The following TNPO1 variants were observed in gnomAD, a reference collection of about 807,000 sequenced individuals.
TNPO1 encodes transportin-1.
TNPO1 carries 8 observed loss-of-function variants against 119.5 expected under a neutral mutation model. That is an observed-to-expected ratio of 0.07 (90% CI 0.04 to 0.12). TNPO1 has a LOEUF of 0.12. Ranked by LOEUF, TNPO1 falls within the 10% of genes least tolerant of loss-of-function variation. TNPO1 has a pLI of 1.00. For synonymous variants in TNPO1, 362 were observed against 363.0 expected (o/e 1.00, Z 0.03); for missense variants, 576 against 1,089.8 (o/e 0.53, Z 6.64).
chr5:72,852,919 G>C (rs1425818593), intron 3 of TNPO1, among the ~76,000 whole-genome samples: 1 of 152,114 alleles, frequency 6.6e-6, no homozygotes, highest in Non-Finnish European at 1.5e-5. Flanking sequence ...AAATTTTTCT[G>C]ACAGTTTGTG....
At chr5:72,907,783 T>G (rs139101220) in intron 24 of TNPO1, among the ~76,000 whole-genome samples, 1 of 152,124 alleles carries the variant, frequency 6.6e-6, no homozygotes, top group East Asian at 1.9e-4. Flanking sequence ...ATGGCCCACA[T>G]CTATAATCCT....
rs1750711858 is a variant in TNPO1 at position 72,913,785 on chromosome 5, T to C, written c.*5112T>C. 1 of 152,584 alleles carries C rather than the reference T, an allele frequency of 6.6e-6. No individual in the cohort carries two copies. Among genetic ancestry groups the C allele is most frequent in the Non-Finnish European group, 1.5e-5 (1 of 67,972 alleles). The allele number at this position is 152,584 out of a possible 1,614,324, so 9.5% of individuals were successfully genotyped here. A position where few individuals can be genotyped will look rare whatever the true frequency, so the allele number is the denominator to read the frequency against. On this transcript the variant is annotated 3_prime_UTR_variant, in exon 25 of 25. Transcript: ENST00000337273. ...CTGTACTTTCCGCATATTACTGTGT[T>C]GTTGTTTTCCTTTGTGGATATATAA...
intron 5 of TNPO1, among the ~76,000 whole-genome samples, chr5:72,862,576 C>A (rs1369369641): frequency 1.3e-5 from 2 of 152,022 alleles, no homozygotes; most frequent in African/African-American, 4.8e-5. Flanking sequence ...ATCTTCCAGC[C>A]TCAGCCTCCC....
intron 3 of TNPO1, among the ~76,000 whole-genome samples, chr5:72,853,638 T>C (rs1745759257): frequency 6.9e-6 from 1 of 145,296 alleles, no homozygotes; most frequent in Admixed American, 7.3e-5. Flanking sequence ...TAACACTTGA[T>C]ATTTCTTCTT....
At chr5:72,840,183 G>A (rs868287346) in intron 1 of TNPO1, among the ~76,000 whole-genome samples, 22 of 152,278 alleles carry the variant, frequency 1.4e-4, no homozygotes, top group Middle Eastern at 6.8e-3. Context: ...TGTTCGTGGG[G>A]TGGCAGAATG....
At chr5:72,868,983 T>C (rs976982943) in intron 6 of TNPO1, among the ~76,000 whole-genome samples, 2 of 151,958 alleles carry the variant, frequency 1.3e-5, no homozygotes, top group Non-Finnish European at 2.9e-5. Flanking sequence ...AACTCCAGCA[T>C]GGGCAACAAG....
intron 13 of TNPO1, 70 bp downstream of exon 13, chr5:72,888,373 T>G: frequency 1.5e-6 from 2 of 1,347,148 alleles, no homozygotes; most frequent in South Asian, 1.3e-5. Flanking sequence ...TCTGATGGAG[T>G]GTTGGTGTTA....
rs1384614924 is a variant in TNPO1 at position 72,887,142 on chromosome 5, C to G, written c.1223C>G (p.Pro408Arg). The G allele has an allele frequency of 6.2e-7, 1 of 1,613,548 alleles. No individual in the cohort carries two copies. The highest frequency in any genetic ancestry group is 1.1e-5 in the South Asian group (1 of 91,020). The change falls in exon 12 of 25, where the codon CCC becomes CGC. Residue 408 changes from proline (P) to arginine (R), a missense_variant. Transcript: ENST00000337273. ...YRDELLPHILPLLKELLFHHE... is the reference protein window; with the variant it reads ...YRDELLPHILRLLKELLFHHE... Reference sequence around the variant, plus strand: ...GATGAACTGCTGCCACATATTTTGCCCCTTTTGAAAGAATTACTTTTTCAT... The same window carrying G: ...GATGAACTGCTGCCACATATTTTGCGCCTTTTGAAAGAATTACTTTTTCAT...
intron 5 of TNPO1, among the ~76,000 whole-genome samples, chr5:72,863,990 A>G (rs965227337): frequency 2.0e-5 from 3 of 152,226 alleles, no homozygotes; most frequent in Non-Finnish European, 4.4e-5. Flanking sequence ...CAATATTCCC[A>G]TCCATCTGAA....
At chr5:72,894,849 T>G (rs538889125) in intron 18 of TNPO1, among the ~76,000 whole-genome samples, 5 of 152,206 alleles carry the variant, frequency 3.3e-5, no homozygotes, top group Admixed American at 3.3e-4. Flanking sequence ...TGAATTCTTA[T>G]GGGAAGCTTA....
At chr5:72,906,154 A>G (rs1285106919) in intron 24 of TNPO1, among the ~76,000 whole-genome samples, 1 of 151,896 alleles carries the variant, frequency 6.6e-6, no homozygotes, top group Non-Finnish European at 1.5e-5. Flanking sequence ...TCTCTGCTGT[A>G]ACAAGGACTT....
In TNPO1 at chr5:72,822,203, A is replaced by G. The variant is rs116779967; in HGVS notation, c.15+5451A>G. Among the ~76,000 whole-genome samples the G allele has an allele frequency of 7.3e-3, 1,117 of 152,328 alleles. 11 individuals carry two copies. Among genetic ancestry groups the G allele is most frequent in the South Asian group, 0.022 (106 of 4,828 alleles). On this transcript the variant is annotated intron_variant, in intron 1 of 24. Transcript: ENST00000337273. ...TTTAAAGCACTCTACATCGATTTAA[A>G]AGGGAAAACAACTCAGTTTTTTAAG...
intron 8 of TNPO1, 45 bp downstream of exon 8, chr5:72,875,782 G>C: frequency 6.4e-7 from 1 of 1,569,104 alleles, no homozygotes; most frequent in Non-Finnish European, 8.7e-7. Context: ...TTTCCCCTAA[G>C]AGAAATACTA....
intron 2 of TNPO1, 66 bp from the exon 3 acceptor site, chr5:72,851,178 A>G: frequency 9.9e-7 from 1 of 1,006,620 alleles, no homozygotes; most frequent in Non-Finnish European, 1.5e-6. Context: ...TGATTTTTAG[A>G]TTTAAAATGC....
At position 72,861,818 on chromosome 5, in the gene TNPO1, C is replaced by A. The variant is rs1237741983; in HGVS notation, c.366C>A (p.Ile122=). The change falls in exon 5 of 25, where the codon ATC becomes ATA. Residue 122 remains isoleucine (I), a synonymous_variant. Coordinates refer to ENST00000337273, the MANE Select transcript of TNPO1 (RefSeq NM_002270.4). ...GTGTTTTTGTTCAAGGTATTTTGAT[C>A]ACAACTATAGCCTCCAAGGGAGAAT... ...PLIRATVGIL[I]TTIASKGELQ... 3 of 1,612,760 alleles carry A rather than the reference C, an allele frequency of 1.9e-6. No individual in the cohort carries two copies. The highest frequency in any genetic ancestry group is 3.3e-5 in the Admixed American group (2 of 59,978).
intron 23 of TNPO1, among the ~76,000 whole-genome samples, chr5:72,904,086 T>G (rs1490601192): frequency 6.6e-6 from 1 of 152,218 alleles, no homozygotes; most frequent in Non-Finnish European, 1.5e-5. Flanking sequence ...AATGGAGACT[T>G]GGAGTATAAT....
At chr5:72,826,115 C>A (rs899620664) in intron 1 of TNPO1, among the ~76,000 whole-genome samples, 1 of 152,090 alleles carries the variant, frequency 6.6e-6, no homozygotes, top group Admixed American at 6.6e-5. Context: ...ATCTGCTTGG[C>A]TCAATGGACT....
chr5:72,851,198 T>A lies in TNPO1; in HGVS notation c.130-46T>A, dbSNP rs544108371. 87 of 1,153,246 alleles carry A rather than the reference T, an allele frequency of 7.5e-5. No homozygotes were observed. The African/African-American group carries it at 1.2e-3, about 16-fold the overall frequency. 71.4% of individuals were successfully genotyped at this position (1,153,246 alleles called of 1,614,324 possible). A position where few individuals can be genotyped will look rare whatever the true frequency, so the allele number is the denominator to read the frequency against. ...TTTAGATTTAAAATGCTTAATTTCT[T>A]CCTGAGATTACACAGAGAAGTTTCC... On this transcript the variant is annotated intron_variant, in intron 2 of 24. Coordinates refer to ENST00000337273, the MANE Select transcript of TNPO1 (RefSeq NM_002270.4).
At chr5:72,846,435 TAA>T (rs1267784076) in intron 1 of TNPO1, among the ~76,000 whole-genome samples, 1 of 152,054 alleles carries the variant, frequency 6.6e-6, no homozygotes, top group Non-Finnish European at 1.5e-5. Flanking sequence ...AGGATGATCT[TAA>T]AAAAAGAGGA....
Sources: gnomAD v4.1 joint callset for allele counts (sites outside exome capture counted in the v4.1 genomes callset) on GRCh38, gnomAD v4.1.1 for gene constraint, MANE v1.5 for transcripts, NCBI Gene and HGNC (gene_info 2026-07-23, HGNC 2026-07-21) for gene names.